Variants in FIG4 observed in about 807,000 individuals in gnomAD.
FIG4 encodes FIG4 phosphoinositide 5-phosphatase, also known as polyphosphoinositide phosphatase.
In FIG4, 112 loss-of-function variants were observed where a neutral mutation model predicts 118.6. The observed-to-expected ratio is 0.94, with a 90% CI of 0.81 to 1.11. FIG4 has a LOEUF of 1.11. Ranked by LOEUF, FIG4 falls within the 50% of genes least tolerant of loss-of-function variation. FIG4 has a pLI of 0.00. For synonymous variants in FIG4, 369 were observed against 381.2 expected, an observed-to-expected ratio of 0.97 and a Z score of 0.37; for missense variants, 969 against 1,111.7, an observed-to-expected ratio of 0.87 and a Z score of 1.83.
chr6:109,786,808 T>G (rs1028014444), intron 18 of FIG4, among the ~76,000 whole-genome samples: 2 of 152,166 alleles, frequency 1.3e-5, no homozygotes, highest in Admixed American at 6.5e-5. Flanking sequence ...GATGTGAATC[T>G]TAGTTCAGCC....
chr6:109,783,142 G>C (rs986831801), intron 16 of FIG4, among the ~76,000 whole-genome samples: 1 of 152,240 alleles, frequency 6.6e-6, no homozygotes, highest in African/African-American at 2.4e-5. Flanking sequence ...GAGAGCATCA[G>C]TATGAATAGC....
intron 20 of FIG4, among the ~76,000 whole-genome samples, chr6:109,792,005 C>A (rs1053582658): frequency 2.0e-5 from 3 of 152,128 alleles, no homozygotes; most frequent in South Asian, 2.1e-4. Flanking sequence ...ACAAAAGGAC[C>A]AACTCTAGCT....
chr6:109,779,225 ATTACT>A (rs772615572), intron 16 of FIG4, among the ~76,000 whole-genome samples: 1 of 152,172 alleles, frequency 6.6e-6, no homozygotes, highest in South Asian at 2.1e-4. Context: ...GAAATTTTGT[ATTACT>A]TTAAAGTGTT....
At chr6:109,741,874 T>C (rs1030651247) in intron 8 of FIG4, among the ~76,000 whole-genome samples, 2 of 152,062 alleles carry the variant, frequency 1.3e-5, no homozygotes, top group African/African-American at 2.4e-5. Context: ...TACTGTATTG[T>C]TAAGGGAATA....
chr6:109,757,960 A>T (rs1776973800), intron 10 of FIG4, among the ~76,000 whole-genome samples: 1 of 152,176 alleles, frequency 6.6e-6, no homozygotes. Flanking sequence ...GAAATAAGAG[A>T]GGGCACAAAC....
At chr6:109,708,547 G>A (rs970563191) in intron 1 of FIG4, among the ~76,000 whole-genome samples, 10 of 152,190 alleles carry the variant, frequency 6.6e-5, no homozygotes, top group Admixed American at 6.5e-4. Flanking sequence ...TTGCCACACT[G>A]TCTTCTACAA....
intron 7 of FIG4, among the ~76,000 whole-genome samples, 199 bp downstream of exon 7, chr6:109,738,652 T>C (rs1456504320): frequency 6.6e-6 from 1 of 152,074 alleles, no homozygotes. Context: ...CACATAAAGA[T>C]GAATAAATAA....
In FIG4 at chr6:109,743,077, A is replaced by G. The variant is rs777592982; in HGVS notation, c.877-33A>G. 6 of 1,573,148 alleles carry G rather than the reference A, an allele frequency of 3.8e-6. No individual in the cohort carries two copies. The South Asian group carries it at 6.6e-5, about 17-fold the overall frequency. On this transcript the variant is annotated intron_variant, in intron 8 of 22. Coordinates refer to ENST00000230124, the MANE Select transcript of FIG4 (RefSeq NM_014845.6). Reference sequence around the variant, plus strand: ...TATTTCATTAAACATTTCTAATAACATAAAATATTTTTCAATGCACCTTTC... The same window carrying G: ...TATTTCATTAAACATTTCTAATAACGTAAAATATTTTTCAATGCACCTTTC...
intron 22 of FIG4, among the ~76,000 whole-genome samples, chr6:109,824,721 G>A (rs1448867795): frequency 2.6e-5 from 4 of 152,214 alleles, no homozygotes; most frequent in African/African-American, 9.6e-5. Flanking sequence ...AAACCAGTGA[G>A]TCCCTAGCGT....
chr6:109,745,277 A>G (rs1776455919), intron 10 of FIG4, among the ~76,000 whole-genome samples: 2 of 152,020 alleles, frequency 1.3e-5, no homozygotes, highest in African/African-American at 2.4e-5. Flanking sequence ...AAGCGTTCCT[A>G]TTTTTCCACG....
chr6:109,795,790 A>G (rs1778269957), intron 21 of FIG4, among the ~76,000 whole-genome samples: 1 of 151,818 alleles, frequency 6.6e-6, no homozygotes, highest in Admixed American at 6.6e-5. Flanking sequence ...TTTAGTAGAG[A>G]TGGGGTTTCA....
intron 19 of FIG4, among the ~76,000 whole-genome samples, chr6:109,789,885 G>C (rs770663835): frequency 1.4e-4 from 21 of 152,176 alleles, no homozygotes; most frequent in Admixed American, 5.2e-4. Context: ...GAATATAACA[G>C]ATGACATAAA....
intron 11 of FIG4, 105 bp downstream of exon 11, chr6:109,760,488 C>T: frequency 9.5e-7 from 1 of 1,055,102 alleles, no homozygotes; most frequent in South Asian, 1.3e-5. Flanking sequence ...CTGTTAATTT[C>T]CTTCATGAAC....
At chr6:109,761,637 T>C (rs1271855069) in intron 11 of FIG4, among the ~76,000 whole-genome samples, 2 of 152,246 alleles carry the variant, frequency 1.3e-5, no homozygotes, top group Non-Finnish European at 2.9e-5. Flanking sequence ...TCCGCCCGCA[T>C]TGGCCTCCCA....
intron 22 of FIG4, among the ~76,000 whole-genome samples, chr6:109,801,190 T>C (rs1002872235): frequency 2.0e-5 from 3 of 152,200 alleles, no homozygotes; most frequent in Admixed American, 2.0e-4. Flanking sequence ...ATACAGTTTG[T>C]ATAAATACCA....
chr6:109,708,163 C>T (rs771713063), intron 1 of FIG4, among the ~76,000 whole-genome samples: 1 of 152,084 alleles, frequency 6.6e-6, no homozygotes, highest in South Asian at 2.1e-4. Context: ...CCAAAAGACC[C>T]CAGTGTCTGT....
chr6:109,765,399 C>T (rs910882932), intron 14 of FIG4, among the ~76,000 whole-genome samples: 9 of 152,100 alleles, frequency 5.9e-5, no homozygotes, highest in African/African-American at 1.9e-4. Context: ...CGTTAAGAGA[C>T]GGGTTCAGTT....
chr6:109,726,099 T>G (rs1775802340), intron 3 of FIG4, among the ~76,000 whole-genome samples: 1 of 148,852 alleles, frequency 6.7e-6, no homozygotes, highest in Non-Finnish European at 1.5e-5. Flanking sequence ...AGCTCTTTAG[T>G]TTAATTAAAT....
chr6:109,707,379 A>C (rs1470164969), intron 1 of FIG4, among the ~76,000 whole-genome samples: 1 of 148,300 alleles, frequency 6.7e-6, no homozygotes, highest in African/African-American at 2.5e-5. Context: ...ATATATATAC[A>C]TATATACACA....
Sources: allele counts gnomAD v4.1 joint callset (sites outside exome capture counted in the v4.1 genomes callset), GRCh38; gene constraint gnomAD v4.1.1; transcripts MANE v1.5; gene names NCBI Gene and HGNC (gene_info 2026-07-23, HGNC 2026-07-21).